UBAP2L: variants seen among roughly 807,000 people sequenced by gnomAD.
The protein encoded by UBAP2L is ubiquitin-associated protein 2-like.
A neutral mutation model predicts 130.6 loss-of-function variants in UBAP2L; 12 were observed. The observed-to-expected ratio is 0.09, with a 90% CI of 0.06 to 0.15. UBAP2L has a LOEUF of 0.15. Ranked by LOEUF, UBAP2L falls within the 10% of genes least tolerant of loss-of-function variation. The pLI is 1.00. For missense variants in UBAP2L, 965 were observed against 1,332.5 expected (o/e 0.72, Z 4.29); for synonymous variants, 503 against 524.7 (o/e 0.96, Z 0.57).
upstream of UBAP2L, chr1:154,220,467 C>G (rs1256161601): frequency 1.3e-6 from 2 of 1,599,124 alleles, no homozygotes; most frequent in East Asian, 2.2e-5. Context: ...CTGGTCAGCC[C>G]AGGCTCCGCC....
chr1:154,230,368 A>G (rs375826725), intron 4 of UBAP2L, among the ~76,000 whole-genome samples: 28 of 152,218 alleles, frequency 1.8e-4, no homozygotes, highest in African/African-American at 9.6e-5. Context: ...AGGTTTGTCA[A>G]TTTCTTTGAG....
chr1:154,257,696 TATAAA>T lies in UBAP2L; in HGVS notation c.2442+268_2442+272del, dbSNP rs1319522891. On this transcript the variant is annotated intron_variant, in intron 20 of 26. Coordinates refer to ENST00000428931, the MANE Select transcript of UBAP2L (RefSeq NM_014847.4). ...TGTTAAGGGTCAACTGTAATTAAAA[TATAAA>T]ATAAATGAGGGATTGCCACATGTAA... 6.7e-6 allele frequency: 3 copies of T among 448,444 alleles called. No homozygotes were observed. In the South Asian group the frequency reaches 1.0e-4, roughly 15 times the overall value. 27.8% of individuals were successfully genotyped at this position (448,444 alleles called of 1,614,324 possible). A position where few individuals can be genotyped will look rare whatever the true frequency, so the allele number is the denominator to read the frequency against.
chr1:154,228,857 G>T, intron 4 of UBAP2L, 132 bp downstream of exon 4: 1 of 563,970 alleles, frequency 1.8e-6, no homozygotes. Flanking sequence ...GAACTTTCTT[G>T]GAGATTGTTC....
At chr1:154,221,397 G>GT (rs1666010899) in intron 1 of UBAP2L, 1 of 153,316 alleles carries the variant, frequency 6.5e-6, no homozygotes, top group Admixed American at 6.5e-5. Context: ...CTTGCCTGAG[G>GT]TAGGGCTCTC....
intron 24 of UBAP2L, chr1:154,263,361 C>G: frequency 7.2e-7 from 1 of 1,386,596 alleles, no homozygotes; most frequent in East Asian, 2.8e-5. Context: ...CCTGTCTTAC[C>G]CATTTCAAGT....
At chr1:154,224,895 C>T (rs1283664583) in intron 1 of UBAP2L, among the ~76,000 whole-genome samples, 189 bp from the exon 2 acceptor site, 4 of 152,142 alleles carry the variant, frequency 2.6e-5, no homozygotes, top group African/African-American at 9.7e-5. Flanking sequence ...TTTCTTGTTA[C>T]ATAAAAATGG....
intron 8 of UBAP2L, 100 bp from the exon 9 acceptor site, chr1:154,241,413 C>A (rs1673590196): frequency 1.7e-6 from 2 of 1,207,724 alleles, no homozygotes; most frequent in Admixed American, 1.9e-5. Flanking sequence ...TTTAGTCATA[C>A]TTTTGGCTGC....
chr1:154,247,152 C>G (rs922410022), intron 11 of UBAP2L, among the ~76,000 whole-genome samples: 5 of 152,116 alleles, frequency 3.3e-5, no homozygotes, highest in African/African-American at 1.2e-4. Flanking sequence ...AAGTTGTAAG[C>G]AGACCATGTG....
In UBAP2L at chr1:154,270,387, G is replaced by A. The variant is rs760930602; in HGVS notation, c.*92G>A. The A allele has an allele frequency of 2.6e-6, 4 of 1,564,656 alleles. No homozygotes were observed. The highest frequency in any genetic ancestry group is 3.5e-6 in the Non-Finnish European group (4 of 1,158,872). On this transcript the variant is annotated 3_prime_UTR_variant, in exon 27 of 27. Coordinates refer to ENST00000428931, the MANE Select transcript of UBAP2L (RefSeq NM_014847.4). Reference sequence around the variant, plus strand: ...AGCATCAAAGAGAAAGGAATGTGGGGGGTTTCCGCTGCCCCCCACCCCCAG... The same window carrying A: ...AGCATCAAAGAGAAAGGAATGTGGGAGGTTTCCGCTGCCCCCCACCCCCAG...
intron 25 of UBAP2L, among the ~76,000 whole-genome samples, chr1:154,267,074 G>T (rs969368109): frequency 7.2e-5 from 11 of 151,990 alleles, no homozygotes; most frequent in African/African-American, 1.5e-4. Flanking sequence ...GGGGGTCTGG[G>T]GGGGCACTTC....
At chr1:154,236,800 A>T (rs1671835232) in intron 7 of UBAP2L, among the ~76,000 whole-genome samples, 189 bp downstream of exon 7, 1 of 152,158 alleles carries the variant, frequency 6.6e-6, no homozygotes, top group Admixed American at 6.5e-5. Context: ...ATTTGAATCA[A>T]TATACCTGTT....
intron 4 of UBAP2L, among the ~76,000 whole-genome samples, chr1:154,230,689 G>A (rs1405977910): frequency 6.6e-6 from 1 of 152,128 alleles, no homozygotes; most frequent in Non-Finnish European, 1.5e-5. Context: ...ATGTTATACA[G>A]TATCAAAAAG....
intron 14 of UBAP2L, among the ~76,000 whole-genome samples, chr1:154,252,037 G>A (rs897418965): frequency 4.6e-5 from 7 of 151,890 alleles, no homozygotes; most frequent in Non-Finnish European, 1.0e-4. Context: ...GCAGTGGTGC[G>A]ATCTCGGCTT....
At chr1:154,255,860 C>A in intron 18 of UBAP2L, 105 bp downstream of exon 18, 2 of 1,359,684 alleles carry the variant, frequency 1.5e-6, no homozygotes, top group African/African-American at 1.4e-5. Flanking sequence ...CATGAGGTGG[C>A]AAAATAATTG....
At chr1:154,269,306 A>G (rs1684216565) in intron 26 of UBAP2L, 5 of 1,344,370 alleles carry the variant, frequency 3.7e-6, no homozygotes, top group Non-Finnish European at 5.0e-6. Flanking sequence ...CTAATGGTGG[A>G]GTTCTATTGT....
intron 1 of UBAP2L, among the ~76,000 whole-genome samples, chr1:154,222,341 G>C (rs1346780927): frequency 6.6e-6 from 1 of 152,050 alleles, no homozygotes. Flanking sequence ...TTAAAGATTA[G>C]ACTATCCCAA....
At chr1:154,254,747 G>T in intron 15 of UBAP2L, 89 bp from the exon 16 acceptor site, 2 of 1,379,414 alleles carry the variant, frequency 1.4e-6, no homozygotes, top group South Asian at 2.5e-5. Flanking sequence ...AAGATTTGTT[G>T]ACCAAAATAA....
chr1:154,241,307 C>T (rs573696310), intron 8 of UBAP2L, among the ~76,000 whole-genome samples: 47 of 152,158 alleles, frequency 3.1e-4, no homozygotes, highest in Non-Finnish European at 4.7e-4. Flanking sequence ...AGGCTGGTCT[C>T]GAACTCCCGA....
At chr1:154,220,493 G>C, upstream of UBAP2L, 1 of 1,499,578 alleles carries the variant, frequency 6.7e-7, no homozygotes, top group Non-Finnish European at 9.3e-7. Context: ...GACGGCGCCT[G>C]GGTCCCCTGG....
Sources: allele counts gnomAD v4.1 joint callset (sites outside exome capture counted in the v4.1 genomes callset), GRCh38; gene constraint gnomAD v4.1.1; transcripts MANE v1.5; gene names NCBI Gene and HGNC (gene_info 2026-07-23, HGNC 2026-07-21).